The following FER1L6 variants were observed in gnomAD, a reference collection of about 807,000 sequenced individuals.
FER1L6 encodes the protein fer-1 like family member 6.
Under a neutral mutation model 219.2 loss-of-function variants are expected in FER1L6, and 177 were observed. That is an observed-to-expected ratio of 0.81 (90% CI 0.71 to 0.91). The LOEUF (loss-of-function observed/expected upper bound fraction) is 0.91. Among genes scored for constraint, FER1L6 ranks in the 40% least tolerant of loss-of-function variants. The pLI is 0.00. For missense variants in FER1L6, 2,153 were observed against 2,259.9 expected (o/e 0.95, Z 0.96); for synonymous variants, 768 against 824.3 (o/e 0.93, Z 1.17).
Position 124,023,548 on chromosome 8 carries a change from G to A in FER1L6, c.2238G>A (p.Ala746=), listed in dbSNP as rs4358790. Residue 746 remains alanine, a synonymous_variant, in exon 18 of 41, where the codon GCG becomes GCA. Coordinates refer to ENST00000522917, the MANE Select transcript of FER1L6 (RefSeq NM_001039112.2). ...ASKDLLYSPV[A]GQMGKHCGKI... ...AAGACCTCCTCTATTCCCCTGTCGC[G>A]GGGCAGATGGGCAAACACTGCGGCA... 11 of 1,613,766 alleles carry A rather than the reference G, an allele frequency of 6.8e-6. No individual in the cohort carries two copies. The highest frequency in any genetic ancestry group is 5.5e-5 in the South Asian group (5 of 91,086).
At chr8:124,010,474 A>G in intron 13 of FER1L6, 120 bp from the exon 14 acceptor site, 3 of 1,185,576 alleles carry the variant, frequency 2.5e-6, no homozygotes, top group East Asian at 4.8e-5. Context: ...TAAAAGTTTG[A>G]TAGTTTTTTC....
chr8:124,095,121 C>T, intron 35 of FER1L6, 83 bp downstream of exon 35: 1 of 1,548,308 alleles, frequency 6.5e-7, no homozygotes, highest in East Asian at 2.3e-5. Context: ...CAATTTTGAC[C>T]TTCCCTCAGG....
chr8:123,952,240 C>T (rs1193801384), intron 1 of FER1L6, among the ~76,000 whole-genome samples: 1 of 152,198 alleles, frequency 6.6e-6, no homozygotes, highest in East Asian at 1.9e-4. Context: ...GGGCCAGCTC[C>T]AGTGACACAG....
Position 123,853,656 on chromosome 8 carries a change from T to C in FER1L6, c.-8+1471T>C, listed in dbSNP as rs544882666. Among the ~76,000 whole-genome samples the C allele has an allele frequency of 2.0e-5, 3 of 151,684 alleles. No individual in the cohort carries two copies. In the South Asian group the frequency reaches 6.3e-4, roughly 32 times the overall value. Reference sequence around the variant, plus strand: ...CGCCTCACCACGGGCAAGCGTGGAGTAACATATTTTGAGAGAACCTATCCA... The same window carrying C: ...CGCCTCACCACGGGCAAGCGTGGAGCAACATATTTTGAGAGAACCTATCCA... On this transcript the variant is annotated intron_variant, in intron 1 of 40. Transcript: ENST00000522917. The surrounding 1 kb of genome is among the most constrained non-coding windows in gnomAD (Gnocchi z 6.6).
At chr8:123,909,727 C>G (rs1405929719) in intron 1 of FER1L6, among the ~76,000 whole-genome samples, 1 of 152,042 alleles carries the variant, frequency 6.6e-6, no homozygotes, top group East Asian at 1.9e-4. Flanking sequence ...TTAGCTTTTT[C>G]TTCTGTCAAA....
intron 1 of FER1L6, among the ~76,000 whole-genome samples, chr8:123,857,464 C>A (rs1468240262): frequency 6.6e-6 from 1 of 152,190 alleles, no homozygotes; most frequent in Non-Finnish European, 1.5e-5. Flanking sequence ...GAGATATGAT[C>A]ACACCACTGC....
At chr8:123,891,099 A>T (rs1812641957) in intron 1 of FER1L6, among the ~76,000 whole-genome samples, 1 of 152,208 alleles carries the variant, frequency 6.6e-6, no homozygotes, top group Non-Finnish European at 1.5e-5. Flanking sequence ...ATTAAGTAAC[A>T]ATAAAAAAAG....
At chr8:124,044,096 A>G (rs1819619179) in intron 20 of FER1L6, among the ~76,000 whole-genome samples, 1 of 152,240 alleles carries the variant, frequency 6.6e-6, no homozygotes, top group Non-Finnish European at 1.5e-5. Flanking sequence ...AGATACCGAA[A>G]TATTTCTATA....
intron 1 of FER1L6, among the ~76,000 whole-genome samples, chr8:123,913,304 T>C (rs1813092936): frequency 6.6e-6 from 1 of 151,708 alleles, no homozygotes; most frequent in South Asian, 2.1e-4. Flanking sequence ...ACTTACGTAA[T>C]TATTTGTTCA....
intron 37 of FER1L6, among the ~76,000 whole-genome samples, chr8:124,098,810 G>A (rs534126796): frequency 1.3e-5 from 2 of 152,242 alleles, no homozygotes; most frequent in East Asian, 1.9e-4. Context: ...TGATGAAGGC[G>A]ATGTTTGTTC....
chr8:124,105,662 G>A (rs980798979), intron 39 of FER1L6, among the ~76,000 whole-genome samples: 8 of 152,198 alleles, frequency 5.3e-5, no homozygotes, highest in African/African-American at 1.9e-4. Flanking sequence ...GGACTTAACG[G>A]CATGGAGGTT....
chr8:123,891,266 A>G (rs1005950749), intron 1 of FER1L6, among the ~76,000 whole-genome samples: 3 of 152,202 alleles, frequency 2.0e-5, no homozygotes, highest in African/African-American at 4.8e-5. Flanking sequence ...CTAGAAACCA[A>G]TCTTGGAAAT....
Position 123,864,494 on chromosome 8 carries a change from G to A in FER1L6, c.-8+12309G>A, listed in dbSNP as rs796965149. Among the ~76,000 whole-genome samples, 104 of 150,338 alleles carry A rather than the reference G, an allele frequency of 6.9e-4. 3 individuals are homozygous for A. The highest frequency in any genetic ancestry group is 2.0e-3 in the African/African-American group (81 of 39,902). On this transcript the variant is annotated intron_variant, in intron 1 of 40. Coordinates refer to ENST00000522917, the MANE Select transcript of FER1L6 (RefSeq NM_001039112.2). ...TCTTCTCGAGGAGTATCTTTGTGGCGTTCTCTGTATTTCCTGAATCTGAAC... is the reference window on the plus strand; with the variant it reads ...TCTTCTCGAGGAGTATCTTTGTGGCATTCTCTGTATTTCCTGAATCTGAAC...
At chr8:124,034,221 AGAAGAAGAGTTGACAACATTTTGAGAG>A (rs953142768) in intron 18 of FER1L6, among the ~76,000 whole-genome samples, 7 of 151,720 alleles carry the variant, frequency 4.6e-5, no homozygotes, top group Non-Finnish European at 1.0e-4. Flanking sequence ...AGAGGAACTT[AGAAGAAGAGTTGACAACATTTTGAGAG>A]GTAGCAGCTA....
At chr8:123,936,112 A>G (rs984379112) in intron 1 of FER1L6, among the ~76,000 whole-genome samples, 1 of 152,156 alleles carries the variant, frequency 6.6e-6, no homozygotes, top group African/African-American at 2.4e-5. Context: ...GGGAAGAAAA[A>G]TAACCTCTCG....
chr8:124,066,365 T>C (rs549530472), intron 26 of FER1L6, 63 bp from the exon 27 acceptor site: 65 of 1,574,428 alleles, frequency 4.1e-5, no homozygotes, highest in African/African-American at 3.9e-4. Context: ...CACAAGCCAG[T>C]TGACCATCAG....
At chr8:124,070,440 G>A (rs368473584) in intron 29 of FER1L6, 27 bp from the exon 30 acceptor site, 1 of 1,610,658 alleles carries the variant, frequency 6.2e-7, no homozygotes, top group Non-Finnish European at 8.5e-7. Context: ...CTTCCTCTTA[G>A]CACAATCTTC....
chr8:124,012,970 C>T (rs1261131462), intron 14 of FER1L6, among the ~76,000 whole-genome samples: 1 of 152,178 alleles, frequency 6.6e-6, no homozygotes, highest in Non-Finnish European at 1.5e-5. Context: ...TGGCCCAAAA[C>T]TCATGCAATC....
Position 123,900,235 on chromosome 8 carries a change from G to GTA in FER1L6, c.-8+48062_-8+48063dup, listed in dbSNP as rs376838773. ...ACTCCTTTGTTAAGTATTTTCCTAA[G>GTA]TATATATATATATTTGCAGCTATTC... On this transcript the variant is annotated intron_variant, in intron 1 of 40. Transcript: ENST00000522917. Among the ~76,000 whole-genome samples, 994 of 151,656 alleles carry GTA rather than the reference G, an allele frequency of 6.6e-3. 8 individuals are homozygous for GTA. Among genetic ancestry groups the GTA allele is most frequent in the African/African-American group, 0.022 (907 of 41,390 alleles).
Sources: allele counts gnomAD v4.1 joint callset (sites outside exome capture counted in the v4.1 genomes callset), GRCh38; gene constraint gnomAD v4.1.1; non-coding constraint Gnocchi (gnomAD v3.1); transcripts MANE v1.5; gene names NCBI Gene and HGNC (gene_info 2026-07-23, HGNC 2026-07-21).